WDR81: variants seen among roughly 807,000 people sequenced by gnomAD.
WDR81 encodes WD repeat domain 81, also known as WD repeat-containing protein 81.
Under a neutral mutation model 140.8 loss-of-function variants are expected in WDR81, and 92 were observed. That is an observed-to-expected ratio of 0.65 (90% CI 0.55 to 0.78). WDR81 has a LOEUF of 0.78. Ranked by LOEUF, WDR81 falls within the 30% of genes least tolerant of loss-of-function variation. WDR81 has a pLI of 0.00. For missense variants in WDR81, 2,502 were observed against 2,636.4 expected, an observed-to-expected ratio of 0.95 and a Z score of 1.12; for synonymous variants, 1,183 against 1,156.4, an observed-to-expected ratio of 1.02 and a Z score of -0.47.
chr17:1,722,996 G>A (rs1002665165), upstream of WDR81, among the ~76,000 whole-genome samples: 1 of 151,922 alleles, frequency 6.6e-6, no homozygotes. Flanking sequence ...ACCGGCCAAG[G>A]CCTAGTTTTC....
rs539845400 is a variant in WDR81 at position 1,726,839 on chromosome 17, G to T, written c.1880G>T (p.Gly627Val). 107 of 1,550,124 alleles carry T rather than the reference G, an allele frequency of 6.9e-5. 2 individuals are homozygous for T. In the South Asian group the frequency reaches 1.1e-3, roughly 17 times the overall value. Reference sequence around the variant, plus strand: ...CGGGAGGACTTCACGGAAAACCCGGGACAGCTTCCAAATGGAGTGGGCCGG... The same window carrying T: ...CGGGAGGACTTCACGGAAAACCCGGTACAGCTTCCAAATGGAGTGGGCCGG... ...TGREDFTENP[G>V]QLPNGVGRPV... Residue 627 changes from glycine to valine, a missense_variant, in exon 1 of 10, where the codon GGA (glycine) becomes GTA (valine). Transcript: ENST00000409644.
chr17:1,737,269 T>C (rs1904951184), intron 9 of WDR81, 96 bp from the exon 10 acceptor site: 2 of 1,304,598 alleles, frequency 1.5e-6, no homozygotes, highest in Admixed American at 2.8e-5. Context: ...CCTGTCTCCC[T>C]GGAGAGAAAC....
chr17:1,726,730 C>G lies in WDR81; in HGVS notation c.1771C>G (p.Arg591Gly), dbSNP rs1311243281. The G allele has an allele frequency of 6.5e-7, 1 of 1,548,024 alleles. No individual in the cohort carries two copies. The highest frequency in any genetic ancestry group is 2.0e-5 in the Admixed American group (1 of 50,986). The part of the protein sequence containing the change: ...VQLFDQPHPQ[R>G]LAGAPALAPE... ...GCTCTTCGATCAGCCACACCCCCAG[C>G]GCCTGGCTGGGGCTCCTGCCCTTGC... is the stretch of plus-strand genomic sequence containing the variant. Residue 591 changes from arginine to glycine, a missense_variant, in exon 1 of 10, where the codon CGC becomes GGC. Arg to Gly is a moderately radical substitution (Grantham distance 125). Transcript: ENST00000409644.
chr17:1,723,461 A>ATT (rs1278777422), upstream of WDR81, among the ~76,000 whole-genome samples: 2 of 52,638 alleles, frequency 3.8e-5, no homozygotes, highest in East Asian at 1.1e-3. Context: ...ATTTATTTTT[A>ATT]TTTATTTATT....
rs199995527 is a variant in WDR81, at chr17:1,730,833, C to G, written c.3854C>G (p.Pro1285Arg). 1.2e-4 allele frequency: 188 copies of G among 1,612,706 alleles called. 1 individual carries two copies. The East Asian group carries it at 3.9e-3, about 33-fold the overall frequency. The change falls in exon 3 of 10, where the codon CCG becomes CGG. Residue 1285 changes from proline (P) to arginine (R), a missense_variant. Coordinates refer to ENST00000409644, the MANE Select transcript of WDR81 (RefSeq NM_001163809.2). ...LSAGNIYQKR[P>R]VLGDIVSGPV... ...GCCGGCAACATCTACCAGAAGAGGC[C>G]GGTCCTGGGCGACATCGTGTCAGGG...
In WDR81 at chr17:1,726,827, C is replaced by T. The variant is rs370468831; in HGVS notation, c.1868C>T (p.Thr623Met). Reference sequence around the variant, plus strand: ...GAGACCACAGGCCGGGAGGACTTCACGGAAAACCCGGGACAGCTTCCAAAT... The same window carrying T: ...GAGACCACAGGCCGGGAGGACTTCATGGAAAACCCGGGACAGCTTCCAAAT... ...IQETTGREDF[T>M]ENPGQLPNGV... is the part of the protein sequence containing the mutation. The change falls in exon 1 of 10, where the codon ACG (threonine) becomes ATG (methionine). Residue 623 changes from threonine to methionine, a missense_variant. By Grantham distance (81) the Thr-to-Met change is moderately conservative. Coordinates refer to ENST00000409644, the MANE Select transcript of WDR81 (RefSeq NM_001163809.2). 3.5e-4 allele frequency: 548 copies of T among 1,549,876 alleles called. 2 individuals carry two copies. In the African/African-American group the frequency reaches 6.3e-3, roughly 18 times the overall value.
intron 1 of WDR81, among the ~76,000 whole-genome samples, chr17:1,719,571 A>AT (rs1555561241): frequency 3.6e-5 from 5 of 137,426 alleles, no homozygotes; most frequent in East Asian, 2.3e-4. Context: ...AAAAAAAAAA[A>AT]TTAAAAATGT....
At chr17:1,716,732 A>G in intron 1 of WDR81, 1 of 1,353,348 alleles carries the variant, frequency 7.4e-7, no homozygotes, top group Non-Finnish European at 1.0e-6. Flanking sequence ...CTTCTTTTAG[A>G]CATTCCCCAA....
At position 1,728,428 on chromosome 17, in the gene WDR81, G is replaced by A. The variant is rs1459817590; in HGVS notation, c.3469G>A (p.Glu1157Lys). 3 of 1,612,684 alleles carry A rather than the reference G, an allele frequency of 1.9e-6. No homozygotes were observed. The highest frequency in any genetic ancestry group is 2.5e-6 in the Non-Finnish European group (3 of 1,179,572). ...AAGCGAGGGCTCCGAGGAGGAAGAG[G>A]AGGAGGAGGACAGCTGCGTGGTGCT... is the stretch of plus-strand genomic sequence containing the variant. Reference protein sequence around the residue: ...KQSEGSEEEEEEEDSCVVLEE... With the variant: ...KQSEGSEEEEKEEDSCVVLEE... The change falls in exon 1 of 10, where the codon GAG becomes AAG. Residue 1157 changes from glutamate (E) to lysine (K), a missense_variant. This residue lies in a region of WDR81 where 1,737 missense variants were observed against 1,843.0 expected (regional missense o/e 0.94). Transcript: ENST00000409644.
Position 1,724,991 on chromosome 17 carries a change from C to A in WDR81, c.32C>A (p.Ala11Asp). 1 of 1,464,512 alleles carries A rather than the reference C, an allele frequency of 6.8e-7. No individual in the cohort carries two copies. The allele number at this position is 1,464,512 out of a possible 1,614,324, so 90.7% of individuals were successfully genotyped here. A position where few individuals can be genotyped will look rare whatever the true frequency, so the allele number is the denominator to read the frequency against. MAQGSGGREG[A>D]LRTPAGGWHS... is the part of the protein sequence containing the mutation. ...CAGGGCAGCGGGGGGCGGGAAGGCG[C>A]TCTCAGAACCCCGGCCGGGGGCTGG... Residue 11 changes from alanine (A) to aspartate (D), a missense_variant, in exon 1 of 10, where the codon GCT (alanine) becomes GAT (aspartate). This residue lies in a region of WDR81 where 547 missense variants were observed against 513.8 expected (regional missense o/e 1.06). Transcript: ENST00000409644.
rs554835801 is a variant in WDR81 at position 1,726,779 on chromosome 17, A to G, written c.1820A>G (p.Lys607Arg). The G allele has an allele frequency of 1.2e-5, 18 of 1,548,444 alleles. No homozygotes were observed. Among genetic ancestry groups the G allele is most frequent in the Non-Finnish European group, 1.4e-5 (16 of 1,146,692 alleles). ...ALAPEPPLIP[K>R]LLVQTIQETT... ...GCCCCCGAGCCTCCCCTCATCCCCA[A>G]GCTGTTGGTCCAGACCATCCAGGAG... Residue 607 changes from lysine to arginine, a missense_variant, in exon 1 of 10, where the codon AAG becomes AGG. Lys to Arg is a conservative substitution (Grantham distance 26). Around this residue, in one of 3 missense-constraint regions of WDR81, gnomAD observed 1,737 missense variants for 1,843.0 expected, o/e 0.94. Coordinates refer to ENST00000409644, the MANE Select transcript of WDR81 (RefSeq NM_001163809.2).
Position 1,727,424 on chromosome 17 carries a change from T to C in WDR81, c.2465T>C (p.Leu822Pro). ...GTCCCTGTGTCTTTGCAGCCCGTGC[T>C]GGACACACTCCTGCAGATGAGTGGC... ...KEVPVSLQPV[L>P]DTLLQMSGPE... The change falls in exon 1 of 10, where the codon CTG becomes CCG. Residue 822 changes from leucine (L) to proline (P), a missense_variant. Around this residue, in one of 3 missense-constraint regions of WDR81, gnomAD observed 1,737 missense variants for 1,843.0 expected, o/e 0.94. Coordinates refer to ENST00000409644, the MANE Select transcript of WDR81 (RefSeq NM_001163809.2). The C allele has an allele frequency of 3.2e-6, 5 of 1,550,408 alleles. No individual in the cohort carries two copies. The highest frequency in any genetic ancestry group is 4.4e-6 in the Non-Finnish European group (5 of 1,146,994).
At position 1,728,558 on chromosome 17, in the gene WDR81, G is replaced by C. The variant is rs1915465357; in HGVS notation, c.3599G>C (p.Gly1200Ala). Residue 1200 changes from glycine (G) to alanine (A), a missense_variant, in exon 1 of 10, where the codon GGA becomes GCA. Coordinates refer to ENST00000409644, the MANE Select transcript of WDR81 (RefSeq NM_001163809.2). Reference protein sequence around the residue: ...METVVAGGSGGDGEEEEEALP... With the variant: ...METVVAGGSGADGEEEEEALP... The stretch of plus-strand genomic sequence containing the variant: ...ACGGTTGTGGCCGGCGGCAGTGGGG[G>C]AGATGGAGAAGAAGAGGAGGAGGCA... The C allele has an allele frequency of 2.6e-6, 4 of 1,524,814 alleles. No individual in the cohort carries two copies. The highest frequency in any genetic ancestry group is 3.5e-6 in the Non-Finnish European group (4 of 1,129,662). The allele number at this position is 1,524,814 out of a possible 1,614,324, so 94.5% of individuals were successfully genotyped here. A position where few individuals can be genotyped will look rare whatever the true frequency, so the allele number is the denominator to read the frequency against.
chr17:1,727,577 T>A lies in WDR81; in HGVS notation c.2618T>A (p.Phe873Tyr). The change falls in exon 1 of 10, where the codon TTC (phenylalanine) becomes TAC (tyrosine). Residue 873 changes from phenylalanine (F) to tyrosine (Y), a missense_variant. Phe to Tyr is a conservative substitution (Grantham distance 22). This residue lies in a region of WDR81 where 1,737 missense variants were observed against 1,843.0 expected (regional missense o/e 0.94). Transcript: ENST00000409644. Reference sequence around the variant, plus strand: ...AGCCCCTTCAGCTCCGTGGTTCCCTTCCCACCCTACTTCCCGGCACTGCAC... The same window carrying A: ...AGCCCCTTCAGCTCCGTGGTTCCCTACCCACCCTACTTCCCGGCACTGCAC... Reference protein sequence around the residue: ...LLSPFSSVVPFPPYFPALHRF... With the variant: ...LLSPFSSVVPYPPYFPALHRF... The A allele has an allele frequency of 6.4e-7, 1 of 1,550,434 alleles. No individual in the cohort carries two copies. The highest frequency in any genetic ancestry group is 1.2e-5 in the South Asian group (1 of 84,060).
chr17:1,726,333 G>C lies in WDR81; in HGVS notation c.1374G>C (p.Thr458=). The C allele has an allele frequency of 2.6e-6, 4 of 1,544,264 alleles. No homozygotes were observed. The highest frequency in any genetic ancestry group is 3.5e-6 in the Non-Finnish European group (4 of 1,142,506). ...ACTATGTGTACAAGGCTCGGCGCAC[G>C]CCTCGGTCGGTGCTCTGCGGACACG... The part of the protein sequence containing the change: ...ITYYVYKARR[T]PRSVLCGHVR... The change falls in exon 1 of 10, where the codon ACG becomes ACC. Residue 458 remains threonine, a synonymous_variant. Coordinates refer to ENST00000409644, the MANE Select transcript of WDR81 (RefSeq NM_001163809.2).
rs1238256241 is a variant in WDR81 at position 1,727,911 on chromosome 17, G to A, written c.2952G>A (p.Thr984=). ...TACACGGCCGCTTCTACCTGTACAC[G>A]GACTGCTTTGTGGCCCAGCTGATGG... ...CQLHGRFYLY[T]DCFVAQLMVR... is the part of the protein sequence containing the mutation. Residue 984 remains threonine (T), a synonymous_variant, in exon 1 of 10, where the codon ACG becomes ACA. Transcript: ENST00000409644. 10 of 1,550,550 alleles carry A rather than the reference G, an allele frequency of 6.4e-6. No individual in the cohort carries two copies. The highest frequency in any genetic ancestry group is 2.4e-5 in the East Asian group (1 of 40,928).
intron 9 of WDR81, 82 bp downstream of exon 9, chr17:1,736,300 C>G (rs1199003326): frequency 1.3e-6 from 2 of 1,482,548 alleles, no homozygotes; most frequent in Admixed American, 2.0e-5. Context: ...TCTGCCTGCC[C>G]GGGTTCAGGC....
chr17:1,733,581 C>A lies in WDR81; in HGVS notation c.4544C>A (p.Ala1515Glu). Reference sequence around the variant, plus strand: ...CACGAGCTGGTTGGGGAGCTGGCGGCGCTGTACTTGGAGAGCATCAGCCCC... The same window carrying A: ...CACGAGCTGGTTGGGGAGCTGGCGGAGCTGTACTTGGAGAGCATCAGCCCC... ...PNHELVGELAALYLESISPSS... is the reference protein window; with the variant it reads ...PNHELVGELAELYLESISPSS... The change falls in exon 7 of 10, where the codon GCG becomes GAG. Residue 1515 changes from alanine to glutamate, a missense_variant. Ala to Glu is a moderately radical substitution (Grantham distance 107, BLOSUM62 -1). This residue lies in a region of WDR81 where 1,737 missense variants were observed against 1,843.0 expected (regional missense o/e 0.94). Coordinates refer to ENST00000409644, the MANE Select transcript of WDR81 (RefSeq NM_001163809.2). The A allele has an allele frequency of 6.5e-7, 1 of 1,537,994 alleles. No individual in the cohort carries two copies.
At chr17:1,718,820 G>A (rs933782427) in intron 1 of WDR81, among the ~76,000 whole-genome samples, 8 of 152,178 alleles carry the variant, frequency 5.3e-5, no homozygotes, top group African/African-American at 1.9e-4. Flanking sequence ...GGCCCTTGGG[G>A]TGACCCTTTT....
Sources: gnomAD v4.1 joint callset for allele counts (sites outside exome capture counted in the v4.1 genomes callset) on GRCh38, gnomAD v4.1.1 for gene constraint, gnomAD v4.1.1 regional missense constraint, MANE v1.5 for transcripts, NCBI Gene and HGNC (gene_info 2026-07-23, HGNC 2026-07-21) for gene names.